The following SLC2A13 variants were observed in gnomAD, a reference collection of about 807,000 sequenced individuals.
SLC2A13 encodes proton myo-inositol cotransporter.
Under a neutral mutation model 64.4 loss-of-function variants are expected in SLC2A13, and 32 were observed. The ratio of observed to expected loss-of-function variants is 0.50; its 90% CI spans 0.37 to 0.67. SLC2A13 has a LOEUF of 0.67. Among genes scored for constraint, SLC2A13 ranks in the 30% least tolerant of loss-of-function variants. The probability of loss-of-function intolerance (pLI) is 0.00; values close to 1 mark genes in which losing one functional copy is unlikely to be tolerated. For synonymous variants in SLC2A13, 338 were observed against 327.1 expected (o/e 1.03, Z -0.36); for missense variants, 743 against 829.2 (o/e 0.90, Z 1.28).
intron 1 of SLC2A13, among the ~76,000 whole-genome samples, chr12:40,056,584 CTA>C (rs1763889141): frequency 6.6e-6 from 1 of 152,084 alleles, no homozygotes; most frequent in South Asian, 2.1e-4. Flanking sequence ...ATATTTAACT[CTA>C]TGTGACATCT....
At chr12:40,030,898 G>A (rs1045314088) in intron 2 of SLC2A13, among the ~76,000 whole-genome samples, 1 of 152,134 alleles carries the variant, frequency 6.6e-6, no homozygotes, top group Admixed American at 6.5e-5. Context: ...CAATTCCGTT[G>A]CCCTAACGTG....
chr12:40,009,181 C>A (rs771912281), intron 3 of SLC2A13, among the ~76,000 whole-genome samples: 1 of 152,084 alleles, frequency 6.6e-6, no homozygotes, highest in Middle Eastern at 3.2e-3. Context: ...GTATAAAATG[C>A]GTGGGATCGA....
At chr12:39,788,823 T>G (rs1941278728) in intron 7 of SLC2A13, among the ~76,000 whole-genome samples, 1 of 152,178 alleles carries the variant, frequency 6.6e-6, no homozygotes, top group African/African-American at 2.4e-5. Context: ...GAAGTTGCCC[T>G]GCAATCTAAA....
intron 7 of SLC2A13, among the ~76,000 whole-genome samples, chr12:39,789,572 T>C (rs1429063448): frequency 1.3e-5 from 2 of 152,148 alleles, no homozygotes; most frequent in East Asian, 1.9e-4. Context: ...ACAGAATAAA[T>C]AGAATTGCTG....
intron 4 of SLC2A13, among the ~76,000 whole-genome samples, chr12:39,894,287 T>A (rs1944685009): frequency 6.6e-6 from 1 of 152,250 alleles, no homozygotes; most frequent in Non-Finnish European, 1.5e-5. Flanking sequence ...GTTGCTTAAT[T>A]CTAATTCACT....
intron 3 of SLC2A13, among the ~76,000 whole-genome samples, chr12:39,972,635 T>C (rs1278750164): frequency 6.6e-6 from 1 of 152,210 alleles, no homozygotes; most frequent in Non-Finnish European, 1.5e-5. Flanking sequence ...CTATTAGATC[T>C]TCTTCATCAG....
chr12:39,814,819 G>T (rs531413617), intron 7 of SLC2A13, among the ~76,000 whole-genome samples: 3 of 151,854 alleles, frequency 2.0e-5, no homozygotes, highest in Non-Finnish European at 2.9e-5. Context: ...TTATGCATAT[G>T]TCACAATATG....
At chr12:39,938,837 A>G (rs2136082537) in intron 4 of SLC2A13, among the ~76,000 whole-genome samples, 1 of 152,150 alleles carries the variant, frequency 6.6e-6, no homozygotes, top group East Asian at 1.9e-4. Context: ...TATGCTCTAG[A>G]TCACCCTCTG....
intron 5 of SLC2A13, among the ~76,000 whole-genome samples, chr12:39,868,286 T>C (rs1334720561): frequency 2.0e-5 from 3 of 152,162 alleles, no homozygotes; most frequent in African/African-American, 7.2e-5. Context: ...ATTTGGCAAA[T>C]AAAAATATTC....
In SLC2A13 at chr12:39,812,996, A is replaced by ATTT. The variant is rs71449493; in HGVS notation, c.1445+17104_1445+17106dup. 1.1e-3 allele frequency among the ~76,000 whole-genome samples: 44 copies of ATTT among 40,614 alleles called. 14 individuals carry two copies. The South Asian group carries it at 0.021, about 20-fold the overall frequency. The allele number at this position is 40,614 out of a possible 152,430, so 26.6% of individuals were successfully genotyped here. On this transcript the variant is annotated intron_variant, in intron 7 of 9. Transcript: ENST00000280871. ...AGGCGCCTGACATCATGCCCAGCTA[A>ATTT]TTTTTTTTTTTTTTTTTTTTTTTTT...
chr12:39,829,839 T>G (rs1222013810), intron 7 of SLC2A13: 2 of 414,550 alleles, frequency 4.8e-6, no homozygotes, highest in African/African-American at 4.0e-5. Context: ...TGTGAATAGC[T>G]GCCTAAAACT....
chr12:39,938,226 A>T (rs1464028820), intron 4 of SLC2A13, among the ~76,000 whole-genome samples: 2 of 152,140 alleles, frequency 1.3e-5, no homozygotes, highest in Admixed American at 1.3e-4. Context: ...GGGAGGTATT[A>T]TAATTCCTGA....
chr12:39,907,163 A>G (rs1463329156), intron 4 of SLC2A13, among the ~76,000 whole-genome samples: 1 of 152,186 alleles, frequency 6.6e-6, no homozygotes, highest in Non-Finnish European at 1.5e-5. Context: ...GTATTTCAAA[A>G]TAACACACAA....
chr12:39,886,291 T>C (rs1944465040), intron 4 of SLC2A13, among the ~76,000 whole-genome samples: 1 of 152,172 alleles, frequency 6.6e-6, no homozygotes. Context: ...TTGACAGCGC[T>C]GTGCCCTTTG....
At chr12:39,968,266 C>T (rs532953626) in intron 3 of SLC2A13, among the ~76,000 whole-genome samples, 27 of 152,094 alleles carry the variant, frequency 1.8e-4, no homozygotes, top group African/African-American at 2.4e-4. Context: ...GGTGGTGCGG[C>T]GGGAGAGCCC....
chr12:39,839,787 T>G (rs1181383680), intron 6 of SLC2A13, among the ~76,000 whole-genome samples: 1 of 152,030 alleles, frequency 6.6e-6, no homozygotes, highest in African/African-American at 2.4e-5. Context: ...TTTCCTTTGT[T>G]TCTCTTCTCT....
intron 6 of SLC2A13, among the ~76,000 whole-genome samples, chr12:39,838,491 T>TA (rs573123054): frequency 3.7e-4 from 37 of 101,040 alleles, no homozygotes; most frequent in African/African-American, 1.1e-3. Flanking sequence ...TAAAGTATAA[T>TA]AAAAAAAAAT....
chr12:40,051,215 C>A (rs1217972506), intron 1 of SLC2A13, among the ~76,000 whole-genome samples: 1 of 152,174 alleles, frequency 6.6e-6, no homozygotes, highest in Non-Finnish European at 1.5e-5. Context: ...GGCAAGCTGA[C>A]AATGACCAGG....
chr12:40,068,283 TCAG>T (rs574403321), intron 1 of SLC2A13: 32 of 393,966 alleles, frequency 8.1e-5, no homozygotes, highest in Non-Finnish European at 1.5e-4. Context: ...TCTAAAGACA[TCAG>T]AATAACCTGG....
Sources: allele counts gnomAD v4.1 joint callset (sites outside exome capture counted in the v4.1 genomes callset), GRCh38; gene constraint gnomAD v4.1.1; transcripts MANE v1.5; gene names NCBI Gene and HGNC (gene_info 2026-07-23, HGNC 2026-07-21).